Variants in NCKAP5 observed in about 807,000 individuals in gnomAD.
NCKAP5 encodes the protein NCK associated protein 5.
A neutral mutation model predicts 167.0 loss-of-function variants in NCKAP5; 92 were observed. The observed-to-expected ratio is 0.55, with a 90% CI of 0.47 to 0.66. The LOEUF is 0.66. NCKAP5 is among the 30% of genes least tolerant of loss of function. The probability of loss-of-function intolerance (pLI) is 0.00; values close to 1 mark genes in which losing one functional copy is unlikely to be tolerated. For synonymous variants in NCKAP5, 891 were observed against 877.4 expected (o/e 1.02, Z -0.27); for missense variants, 2,378 against 2,315.0 (o/e 1.03, Z -0.56).
chr2:133,513,602 T>C (rs1351171253), intron 3 of NCKAP5, among the ~76,000 whole-genome samples: 1 of 152,226 alleles, frequency 6.6e-6, no homozygotes, highest in African/African-American at 2.4e-5. Context: ...GTGGAAGTCT[T>C]GATTACTATA....
intron 7 of NCKAP5, among the ~76,000 whole-genome samples, chr2:132,991,365 A>G (rs2149300824): frequency 6.6e-6 from 1 of 152,324 alleles, no homozygotes; most frequent in East Asian, 1.9e-4. Flanking sequence ...AAATTCCCCA[A>G]TTAAAAAAAG....
the NCKAP5 span, among the ~76,000 whole-genome samples, chr2:133,575,214 G>A: frequency 1.3e-5 from 2 of 152,354 alleles, no homozygotes; most frequent in East Asian, 1.9e-4. Flanking sequence ...TTAGGCAGGA[G>A]CCTCTTGGCT....
chr2:132,917,083 CAT>C, intron 8 of NCKAP5, among the ~76,000 whole-genome samples: 1 of 152,266 alleles, frequency 6.6e-6, no homozygotes, highest in South Asian at 2.1e-4. Context: ...TCACAATAAT[CAT>C]ATGACATAGG....
At chr2:133,630,555 T>A in the NCKAP5 span, among the ~76,000 whole-genome samples, 1 of 152,110 alleles carries the variant, frequency 6.6e-6, no homozygotes, top group Non-Finnish European at 1.5e-5. Context: ...CATGTTTACC[T>A]ACATAACAAA....
At chr2:133,121,376 G>A (rs1026503421) in intron 6 of NCKAP5, among the ~76,000 whole-genome samples, 2 of 152,054 alleles carry the variant, frequency 1.3e-5, no homozygotes, top group Non-Finnish European at 2.9e-5. Flanking sequence ...AACACAGGAG[G>A]GTTATTGCCA....
At chr2:132,797,026 T>C (rs1056088189) in intron 11 of NCKAP5, among the ~76,000 whole-genome samples, 1 of 152,196 alleles carries the variant, frequency 6.6e-6, no homozygotes, top group African/African-American at 2.4e-5. Flanking sequence ...AGGAAAAGTA[T>C]GAATACTCTG....
At chr2:132,771,755 C>T (rs1466099505) in intron 16 of NCKAP5, among the ~76,000 whole-genome samples, 3 of 151,220 alleles carry the variant, frequency 2.0e-5, no homozygotes, top group African/African-American at 7.3e-5. Context: ...TCACTGCAAT[C>T]TCTGCCTCCC....
chr2:133,577,176 A>G, the NCKAP5 span, among the ~76,000 whole-genome samples: 1 of 152,204 alleles, frequency 6.6e-6, no homozygotes. Context: ...TGATATGCCC[A>G]GGGCTTCCTG....
rs1020132007 is a variant in NCKAP5, at chr2:132,729,045, T to TA, written c.5444-94dup. 62 of 1,527,760 alleles carry TA rather than the reference T, an allele frequency of 4.1e-5. No homozygotes were observed. The African/African-American group carries it at 7.3e-4, about 18-fold the overall frequency. The allele number at this position is 1,527,760 out of a possible 1,614,324, so 94.6% of individuals were successfully genotyped here. ...AGGTGGGGGAGACATTCAGAAATAA[T>TA]AAAAAAGGTCCAAATACAGTGAAAG... On this transcript the variant is annotated intron_variant, in intron 17 of 19. Transcript: ENST00000409261.
At chr2:133,137,796 C>G (rs139472708) in intron 5 of NCKAP5, among the ~76,000 whole-genome samples, 3 of 152,140 alleles carry the variant, frequency 2.0e-5, no homozygotes, top group South Asian at 4.1e-4. Context: ...ATTGAACACT[C>G]GAACAAAGGA....
At chr2:133,200,911 G>A (rs2085657164) in intron 5 of NCKAP5, among the ~76,000 whole-genome samples, 1 of 152,156 alleles carries the variant, frequency 6.6e-6, no homozygotes, top group Non-Finnish European at 1.5e-5. Flanking sequence ...CTTATCCACA[G>A]GGAATATGTT....
At chr2:133,101,451 T>C (rs7599388) in intron 6 of NCKAP5, among the ~76,000 whole-genome samples, 3,144 of 140,486 alleles carry the variant, frequency 0.022, 99 homozygotes, top group African/African-American at 0.08. Flanking sequence ...AAGTCATTGG[T>C]AGCTTGATGG....
chr2:132,732,103 G>A, intron 16 of NCKAP5, 52 bp from the exon 17 acceptor site: 1 of 1,485,652 alleles, frequency 6.7e-7, no homozygotes, highest in Non-Finnish European at 9.1e-7. Flanking sequence ...CACATAAAAG[G>A]ATAAAAGAAT....
chr2:133,357,785 G>T (rs1166791631), intron 3 of NCKAP5, among the ~76,000 whole-genome samples: 1 of 152,154 alleles, frequency 6.6e-6, no homozygotes, highest in African/African-American at 2.4e-5. Context: ...AAACACTTCA[G>T]TACTTCAGTA....
rs895725057 is a variant in NCKAP5, at chr2:133,269,813, A to G, written c.143+33224T>C. ...AGATCTGTTATTAGGCTATTGCAAGAATCTAGGTAAGAGATGATGGCTTGG... is the reference window on the plus strand; with the variant it reads ...AGATCTGTTATTAGGCTATTGCAAGGATCTAGGTAAGAGATGATGGCTTGG... On this transcript the variant is annotated intron_variant, in intron 4 of 19. Coordinates refer to ENST00000409261, the MANE Select transcript of NCKAP5 (RefSeq NM_207363.3). Among the ~76,000 whole-genome samples the G allele has an allele frequency of 3.3e-5, 5 of 152,320 alleles. No homozygotes were observed. In the South Asian group the frequency reaches 1.0e-3, roughly 32 times the overall value.
In NCKAP5 at chr2:133,498,903, A is replaced by G. The variant is rs533340080; in HGVS notation, c.69+18555T>C. Among the ~76,000 whole-genome samples the G allele has an allele frequency of 1.1e-4, 16 of 152,332 alleles. 1 individual carries two copies. In the South Asian group the frequency reaches 3.1e-3, roughly 30 times the overall value. ...ATACTCATTATCTTGGCTTCCACAG[A>G]TACAATTGTTTTATGGCTCCAAGAA... On this transcript the variant is annotated intron_variant, in intron 3 of 19. Coordinates refer to ENST00000409261, the MANE Select transcript of NCKAP5 (RefSeq NM_207363.3).
intron 3 of NCKAP5, among the ~76,000 whole-genome samples, chr2:133,324,897 G>A (rs576215217): frequency 2.6e-5 from 4 of 152,102 alleles, no homozygotes; most frequent in South Asian, 2.1e-4. Flanking sequence ...TAGTAGAGAC[G>A]GAGTTTCACC....
chr2:133,517,558 A>G lies in NCKAP5; in HGVS notation c.-32T>C, dbSNP rs1684108911. ...AGTTATTTATTTTCTTTTGTGACTT[A>G]TAAGAATCCCCCGTCTGTTTCCAGG... is the stretch of plus-strand genomic sequence containing the variant. On this transcript the variant is annotated 5_prime_UTR_variant, in exon 3 of 20. Coordinates refer to ENST00000409261, the MANE Select transcript of NCKAP5 (RefSeq NM_207363.3). 2.8e-6 allele frequency: 4 copies of G among 1,407,618 alleles called. No homozygotes were observed. The African/African-American group carries it at 4.3e-5, about 15-fold the overall frequency. The allele number at this position is 1,407,618 out of a possible 1,614,324, so 87.2% of individuals were successfully genotyped here.
At chr2:133,623,756 T>G in the NCKAP5 span, among the ~76,000 whole-genome samples, 1 of 151,974 alleles carries the variant, frequency 6.6e-6, no homozygotes, top group Non-Finnish European at 1.5e-5. Context: ...GAACTAAAAG[T>G]AGATCTACCA....
Sources: allele counts gnomAD v4.1 joint callset (sites outside exome capture counted in the v4.1 genomes callset), GRCh38; gene constraint gnomAD v4.1.1; transcripts MANE v1.5; gene names NCBI Gene and HGNC (gene_info 2026-07-23, HGNC 2026-07-21).